Variants in RP1 observed in about 807,000 individuals in gnomAD.
RP1 encodes the protein oxygen-regulated protein 1.
RP1 carries 16 observed loss-of-function variants against 14.8 expected under a neutral mutation model. That is an observed-to-expected ratio of 1.08 (90% confidence interval 0.73 to 1.65). RP1 has a LOEUF of 1.65. Ranked by LOEUF, RP1 falls within the 40% of genes most tolerant of loss-of-function variation. RP1 has a pLI of 0.00. For synonymous variants in RP1, 876 were observed against 883.6 expected, an observed-to-expected ratio of 0.99 and a Z score of 0.15; for missense variants, 2,631 against 2,535.0, an observed-to-expected ratio of 1.04 and a Z score of -0.81.
At chr8:54,710,920 G>A (rs1026220752) in intron 15 of RP1, among the ~76,000 whole-genome samples, 1 of 152,144 alleles carries the variant, frequency 6.6e-6, no homozygotes, top group Admixed American at 6.5e-5. Flanking sequence ...GGAGAGAGCC[G>A]ACACACAAGG....
intron 6 of RP1, among the ~76,000 whole-genome samples, chr8:54,661,681 G>T (rs1806901967): frequency 6.6e-6 from 1 of 152,058 alleles, no homozygotes. Flanking sequence ...AACCGTGTTT[G>T]AATTCACGGA....
intron 3 of RP1, among the ~76,000 whole-genome samples, chr8:54,647,715 T>A (rs1024153484): frequency 1.2e-4 from 18 of 152,038 alleles, no homozygotes; most frequent in Non-Finnish European, 7.4e-5. Context: ...TTGAGATAGG[T>A]TCTTGCTCTA....
At chr8:54,598,679 C>T (rs1440687926) in intron 1 of RP1, among the ~76,000 whole-genome samples, 1 of 152,140 alleles carries the variant, frequency 6.6e-6, no homozygotes, top group East Asian at 1.9e-4. Context: ...TCTTAGTTTT[C>T]CTTCATCTGA....
chr8:54,641,686 C>T (rs1806457509), intron 3 of RP1, among the ~76,000 whole-genome samples: 1 of 152,098 alleles, frequency 6.6e-6, no homozygotes, highest in African/African-American at 2.4e-5. Flanking sequence ...AATGCGTGGT[C>T]TAATTGATGC....
intron 24 of RP1, among the ~76,000 whole-genome samples, chr8:54,830,128 T>TA (rs1563389392): frequency 6.6e-6 from 1 of 152,162 alleles, no homozygotes; most frequent in Non-Finnish European, 1.5e-5. Context: ...GAGAAGATGT[T>TA]AAAATCGCCA....
At chr8:54,613,203 C>T (rs1805637639), upstream of RP1, among the ~76,000 whole-genome samples, 1 of 152,094 alleles carries the variant, frequency 6.6e-6, no homozygotes, top group Non-Finnish European at 1.5e-5. Flanking sequence ...GTTCAATATC[C>T]AATAATTTAA....
chr8:54,802,228 G>A (rs1313577126), intron 24 of RP1, among the ~76,000 whole-genome samples: 2 of 152,108 alleles, frequency 1.3e-5, no homozygotes, highest in African/African-American at 4.8e-5. Context: ...CTTCTAAATA[G>A]TAAAGGTAAA....
At chr8:54,852,221 A>T (rs1003558953) in intron 25 of RP1, among the ~76,000 whole-genome samples, 2 of 152,174 alleles carry the variant, frequency 1.3e-5, no homozygotes, top group Non-Finnish European at 2.9e-5. Context: ...GCCAGACTTT[A>T]GGGGGAAAAA....
chr8:54,576,337 G>A (rs1160165661), intron 1 of RP1, among the ~76,000 whole-genome samples: 1 of 152,144 alleles, frequency 6.6e-6, no homozygotes, highest in Non-Finnish European at 1.5e-5. Flanking sequence ...GAGCCACCGC[G>A]CCCGGCCAGA....
chr8:54,738,261 C>T lies in RP1; in HGVS notation c.2722-682C>T, dbSNP rs149278468. On this transcript the variant is annotated intron_variant, in intron 18 of 22. Coordinates refer to the RP1 transcript ENST00000636932. ...AGAGAAGTAAAAAAAACATACTTTA[C>T]TCAGTTTACAAAAACATATTTTACT... is the stretch of plus-strand genomic sequence containing the variant. Among the ~76,000 whole-genome samples the T allele has an allele frequency of 2.0e-3, 297 of 152,292 alleles. 4 individuals carry two copies. Among genetic ancestry groups the T allele is most frequent in the Middle Eastern group, 6.8e-3 (2 of 294 alleles).
rs556223055 is a variant in RP1 at position 54,697,873 on chromosome 8, C to G, written c.1718-1594C>G. Among the ~76,000 whole-genome samples, 3 of 152,280 alleles carry G rather than the reference C, an allele frequency of 2.0e-5. No individual in the cohort carries two copies. The South Asian group carries it at 6.2e-4, about 32-fold the overall frequency. Reference sequence around the variant, plus strand: ...CCGAAACTGGATCCCTTCATTACACCTTATACAAAAATTAACTCAAGATGG... The same window carrying G: ...CCGAAACTGGATCCCTTCATTACACGTTATACAAAAATTAACTCAAGATGG... On this transcript the variant is annotated intron_variant, in intron 12 of 22. Transcript: ENST00000636932.
chr8:54,565,451 T>C (rs1221952023), intron 1 of RP1, among the ~76,000 whole-genome samples: 1 of 152,064 alleles, frequency 6.6e-6, no homozygotes, highest in Admixed American at 6.5e-5. Context: ...TGTAATCCCA[T>C]GTACTCAGGA....
At chr8:54,580,404 T>G (rs1029115765) in intron 1 of RP1, among the ~76,000 whole-genome samples, 2 of 150,348 alleles carry the variant, frequency 1.3e-5, no homozygotes, top group Non-Finnish European at 3.0e-5. Context: ...CCTCCTGGGT[T>G]CAAGTGATTC....
At chr8:54,831,158 C>T (rs973515799) in intron 24 of RP1, among the ~76,000 whole-genome samples, 2 of 151,938 alleles carry the variant, frequency 1.3e-5, no homozygotes, top group African/African-American at 2.4e-5. Context: ...CTTTGTTGCT[C>T]TGAATATTTA....
At chr8:54,814,024 C>G (rs905617239) in intron 24 of RP1, among the ~76,000 whole-genome samples, 1 of 152,130 alleles carries the variant, frequency 6.6e-6, no homozygotes, top group African/African-American at 2.4e-5. Flanking sequence ...TTATGTGTAT[C>G]TCATATGGCT....
chr8:54,826,632 A>C (rs373152427), intron 24 of RP1, among the ~76,000 whole-genome samples: 20 of 152,358 alleles, frequency 1.3e-4, no homozygotes, highest in African/African-American at 4.8e-4. Context: ...TCATAAATTC[A>C]GTCTCCAATG....
chr8:54,649,725 A>T (rs1046861597), intron 4 of RP1, among the ~76,000 whole-genome samples: 2 of 152,190 alleles, frequency 1.3e-5, no homozygotes, highest in Non-Finnish European at 2.9e-5. Context: ...TGAATAAATT[A>T]ATGGATGCAC....
intron 15 of RP1, chr8:54,720,124 T>C: frequency 6.6e-7 from 1 of 1,516,056 alleles, no homozygotes; most frequent in Non-Finnish European, 8.8e-7. Flanking sequence ...TTGTATTGAT[T>C]GTAGGGTACA....
At chr8:54,652,330 C>T (rs138978709) in intron 4 of RP1, among the ~76,000 whole-genome samples, 3 of 152,230 alleles carry the variant, frequency 2.0e-5, no homozygotes, top group East Asian at 3.9e-4. Context: ...CATTGTGTTT[C>T]GACAAGATAC....
Sources: gnomAD v4.1 joint callset for allele counts (sites outside exome capture counted in the v4.1 genomes callset) on GRCh38, gnomAD v4.1.1 for gene constraint, MANE v1.5 for transcripts, NCBI Gene and HGNC (gene_info 2026-07-23, HGNC 2026-07-21) for gene names.